RABGAP1L: variants seen among roughly 807,000 people sequenced by gnomAD.
RABGAP1L encodes rab GTPase-activating protein 1-like.
RABGAP1L carries 63 observed loss-of-function variants against 137.7 expected under a neutral mutation model. The ratio of observed to expected loss-of-function variants is 0.46; its 90% CI spans 0.37 to 0.56. The LOEUF (loss-of-function observed/expected upper bound fraction) is 0.56. RABGAP1L is among the 20% of genes least tolerant of loss of function. The pLI, the probability that RABGAP1L is intolerant of heterozygous loss-of-function variation, is 0.00. For missense variants in RABGAP1L, 1,095 were observed against 1,244.0 expected (o/e 0.88, Z 1.80); for synonymous variants, 431 against 433.7 (o/e 0.99, Z 0.08).
chr1:174,656,648 G>A (rs886377309), intron 14 of RABGAP1L, among the ~76,000 whole-genome samples: 3 of 152,164 alleles, frequency 2.0e-5, no homozygotes, highest in Middle Eastern at 3.4e-3. Flanking sequence ...CCTATATTCT[G>A]TTTTTATGGA....
At chr1:174,695,153 G>A (rs1679156466) in intron 15 of RABGAP1L, among the ~76,000 whole-genome samples, 1 of 151,908 alleles carries the variant, frequency 6.6e-6, no homozygotes, top group Admixed American at 6.6e-5. Context: ...GTAGGTTTAT[G>A]CATCACTTTT....
At chr1:174,780,125 A>C (rs897894589) in intron 18 of RABGAP1L, among the ~76,000 whole-genome samples, 3 of 151,760 alleles carry the variant, frequency 2.0e-5, no homozygotes, top group Non-Finnish European at 4.4e-5. Flanking sequence ...TAAATTAAAT[A>C]AGCCCTAATT....
At chr1:174,907,563 C>T (rs751944329) in intron 19 of RABGAP1L, among the ~76,000 whole-genome samples, 3 of 152,136 alleles carry the variant, frequency 2.0e-5, no homozygotes, top group Non-Finnish European at 2.9e-5. Flanking sequence ...GATCCACCCA[C>T]CTCGGCCTCC....
intron 13 of RABGAP1L, among the ~76,000 whole-genome samples, chr1:174,509,804 A>G (rs1000590334): frequency 2.0e-5 from 3 of 152,186 alleles, no homozygotes; most frequent in African/African-American, 7.2e-5. Context: ...TCCTCTTCAC[A>G]CAGCCTTCAC....
chr1:174,262,189 C>T (rs1225215840), intron 7 of RABGAP1L, among the ~76,000 whole-genome samples: 1 of 152,180 alleles, frequency 6.6e-6, no homozygotes, highest in Non-Finnish European at 1.5e-5. Flanking sequence ...TAACTGGAAG[C>T]TTCTATCTGA....
At chr1:174,569,905 G>T (rs1224048126) in intron 13 of RABGAP1L, among the ~76,000 whole-genome samples, 1 of 152,198 alleles carries the variant, frequency 6.6e-6, no homozygotes, top group Non-Finnish European at 1.5e-5. Flanking sequence ...GATAAGGAAA[G>T]AAGTTGAAGG....
At chr1:174,189,906 A>G (rs1667084462) in intron 1 of RABGAP1L, among the ~76,000 whole-genome samples, 1 of 152,154 alleles carries the variant, frequency 6.6e-6, no homozygotes, top group Non-Finnish European at 1.5e-5. Context: ...CTCCAAACAA[A>G]AAGAAAAAAG....
At chr1:174,272,593 G>C in intron 8 of RABGAP1L, 113 bp downstream of exon 8, 1 of 1,280,986 alleles carries the variant, frequency 7.8e-7, no homozygotes, top group Non-Finnish European at 1.0e-6. Flanking sequence ...TCTTGCAGCT[G>C]TGTGATAGTA....
At chr1:174,867,935 G>A (rs974003663) in intron 19 of RABGAP1L, among the ~76,000 whole-genome samples, 1 of 146,562 alleles carries the variant, frequency 6.8e-6, no homozygotes, top group Non-Finnish European at 1.5e-5. Flanking sequence ...ATGAGCCACT[G>A]AGCCCAGCCA....
Position 174,969,406 on chromosome 1 carries a change from A to ACTGTGATGACTTC in RABGAP1L, c.2544+22_2544+34dup. On this transcript the variant is annotated intron_variant, in intron 21 of 25. Coordinates refer to ENST00000681986, the MANE Select transcript of RABGAP1L (RefSeq NM_001366446.1). Reference sequence around the variant, plus strand: ...GGATCAGGTAATCCTTAGAAATGAGACTGTGATGACTTCCTCAGGGCAAAG... The same window carrying ACTGTGATGACTTC: ...GGATCAGGTAATCCTTAGAAATGAGACTGTGATGACTTCCTGTGATGACTTCCTCAGGGCAAAG... 6.6e-7 allele frequency: 1 copy of ACTGTGATGACTTC among 1,517,990 alleles called. No homozygotes were observed. The highest frequency in any genetic ancestry group is 8.9e-7 in the Non-Finnish European group (1 of 1,117,424). The allele number at this position is 1,517,990 out of a possible 1,614,324, so 94.0% of individuals were successfully genotyped here.
intron 11 of RABGAP1L, among the ~76,000 whole-genome samples, chr1:174,349,090 T>G: frequency 7.8e-6 from 1 of 128,476 alleles, no homozygotes; most frequent in Non-Finnish European, 1.6e-5. Context: ...ACGGGGCGGC[T>G]GGCCGGGCGG....
intron 18 of RABGAP1L, among the ~76,000 whole-genome samples, chr1:174,775,391 A>G (rs953038185): frequency 9.3e-5 from 14 of 150,436 alleles, no homozygotes; most frequent in Admixed American, 2.7e-4. Flanking sequence ...TCAGTTCACT[A>G]CAACCTCCAC....
intron 13 of RABGAP1L, among the ~76,000 whole-genome samples, chr1:174,467,582 CAG>C (rs1227449463): frequency 1.3e-5 from 2 of 152,028 alleles, no homozygotes; most frequent in Admixed American, 6.6e-5. Flanking sequence ...TACTAAATAA[CAG>C]AGCTACTGTA....
chr1:174,642,075 A>G (rs1674572185), intron 14 of RABGAP1L, among the ~76,000 whole-genome samples: 1 of 152,192 alleles, frequency 6.6e-6, no homozygotes, highest in Non-Finnish European at 1.5e-5. Flanking sequence ...AATATTATTC[A>G]GAACAATATG....
chr1:174,937,552 C>G lies in RABGAP1L; in HGVS notation c.2341-19905C>G, dbSNP rs569132710. On this transcript the variant is annotated intron_variant, in intron 19 of 25. Coordinates refer to ENST00000681986, the MANE Select transcript of RABGAP1L (RefSeq NM_001366446.1). ...CCACCTGCCTCGGCCTCCCAAAGTGCTGGGATTACAGGCATGAGCCACCGC... is the reference window on the plus strand; with the variant it reads ...CCACCTGCCTCGGCCTCCCAAAGTGGTGGGATTACAGGCATGAGCCACCGC... Among the ~76,000 whole-genome samples the G allele has an allele frequency of 1.0e-4, 15 of 147,802 alleles. No homozygotes were observed. In the Admixed American group the frequency reaches 1.0e-3, roughly 10 times the overall value.
intron 13 of RABGAP1L, among the ~76,000 whole-genome samples, chr1:174,609,341 CTTTCTT>C (rs1311384905): frequency 1.3e-5 from 2 of 152,232 alleles, no homozygotes; most frequent in Non-Finnish European, 2.9e-5. Flanking sequence ...GTTGCATTTT[CTTTCTT>C]TTTATTACAA....
At chr1:174,611,013 C>A (rs1385129199) in intron 13 of RABGAP1L, among the ~76,000 whole-genome samples, 4 of 150,472 alleles carry the variant, frequency 2.7e-5, no homozygotes, top group Admixed American at 1.3e-4. Flanking sequence ...GTTGCCTGTT[C>A]ACTCTGATGG....
chr1:174,169,546 C>T (rs1665177020), intron 1 of RABGAP1L, among the ~76,000 whole-genome samples: 1 of 152,042 alleles, frequency 6.6e-6, no homozygotes. Flanking sequence ...AAAAGATAAT[C>T]TAGTAATAGT....
Position 174,538,077 on chromosome 1 carries a change from C to T in RABGAP1L, c.1711-99298C>T, listed in dbSNP as rs187083137. ...TCTCTACAATCTGCCCTGAACCTCC[C>T]TTTCCAATCTTAGACCTCATTTCTC... is the stretch of plus-strand genomic sequence containing the variant. On this transcript the variant is annotated intron_variant, in intron 13 of 25. Coordinates refer to ENST00000681986, the MANE Select transcript of RABGAP1L (RefSeq NM_001366446.1). 2.0e-5 allele frequency among the ~76,000 whole-genome samples: 3 copies of T among 152,316 alleles called. No individual in the cohort carries two copies. The East Asian group carries it at 5.8e-4, about 29-fold the overall frequency.
Sources: gnomAD v4.1 joint callset for allele counts (sites outside exome capture counted in the v4.1 genomes callset) on GRCh38, gnomAD v4.1.1 for gene constraint, MANE v1.5 for transcripts, NCBI Gene and HGNC (gene_info 2026-07-23, HGNC 2026-07-21) for gene names.